SGMS1: variants seen among roughly 807,000 people sequenced by gnomAD.
SGMS1 encodes the protein sphingomyelin synthase 1.
Under a neutral mutation model 46.2 loss-of-function variants are expected in SGMS1, and 13 were observed. The ratio of observed to expected loss-of-function variants is 0.28; its 90% CI spans 0.18 to 0.45. SGMS1 has a LOEUF of 0.45. Among genes scored for constraint, SGMS1 ranks in the 20% least tolerant of loss-of-function variants. The pLI is 1.00. For missense variants in SGMS1, 324 were observed against 519.9 expected (o/e 0.62, Z 3.66); for synonymous variants, 203 against 187.8 (o/e 1.08, Z -0.66).
At chr10:50,596,944 A>G (rs1257840124) in intron 1 of SGMS1, among the ~76,000 whole-genome samples, 1 of 152,218 alleles carries the variant, frequency 6.6e-6, no homozygotes, top group African/African-American at 2.4e-5. Context: ...TGCACATGGT[A>G]GGCACTCAGT....
At chr10:50,369,677 T>TG (rs1848404620) in intron 6 of SGMS1, among the ~76,000 whole-genome samples, 1 of 152,004 alleles carries the variant, frequency 6.6e-6, no homozygotes, top group African/African-American at 2.4e-5. Context: ...GCTATCAAGA[T>TG]GGCAAAGATG....
At chr10:50,311,804 T>C (rs905318924) in intron 8 of SGMS1, among the ~76,000 whole-genome samples, 3 of 152,202 alleles carry the variant, frequency 2.0e-5, no homozygotes, top group Non-Finnish European at 4.4e-5. Flanking sequence ...AATTTAAAGA[T>C]GTATTTTTAT....
At chr10:50,384,259 A>G (rs925674504) in intron 6 of SGMS1, among the ~76,000 whole-genome samples, 1 of 152,204 alleles carries the variant, frequency 6.6e-6, no homozygotes, top group Non-Finnish European at 1.5e-5. Context: ...TACCATTTGT[A>G]TGATCTTGAG....
At chr10:50,326,009 C>T (rs1406231313) in intron 8 of SGMS1, among the ~76,000 whole-genome samples, 28 of 152,032 alleles carry the variant, frequency 1.8e-4, no homozygotes, top group Admixed American at 1.7e-3. Context: ...CGATGTGAAG[C>T]TGGCTTCTTT....
intron 6 of SGMS1, among the ~76,000 whole-genome samples, chr10:50,345,764 A>G (rs1229619159): frequency 6.6e-6 from 1 of 152,238 alleles, no homozygotes; most frequent in Non-Finnish European, 1.5e-5. Context: ...CATTCTGGAA[A>G]TATTCCAAAG....
intron 3 of SGMS1, among the ~76,000 whole-genome samples, chr10:50,518,093 C>A (rs530842765): frequency 1.3e-5 from 2 of 152,072 alleles, no homozygotes; most frequent in Admixed American, 1.3e-4. Context: ...CATCTCTATA[C>A]AATAAAATTG....
intron 5 of SGMS1, among the ~76,000 whole-genome samples, chr10:50,458,656 G>A (rs1267115440): frequency 6.6e-6 from 1 of 151,942 alleles, no homozygotes; most frequent in Non-Finnish European, 1.5e-5. Context: ...ACCGCTTCCG[G>A]CCGGCTCTAT....
chr10:50,404,313 T>A (rs911151050), intron 6 of SGMS1, among the ~76,000 whole-genome samples: 1 of 140,100 alleles, frequency 7.1e-6, no homozygotes, highest in Non-Finnish European at 1.5e-5. Context: ...TTGTTTTGAT[T>A]TTTTTTTTTT....
chr10:50,586,154 C>A (rs1452716043), intron 2 of SGMS1, among the ~76,000 whole-genome samples: 1 of 152,190 alleles, frequency 6.6e-6, no homozygotes, highest in South Asian at 2.1e-4. Flanking sequence ...CATAAAAACA[C>A]CCAAATCCTC....
At chr10:50,377,265 C>G (rs1459947399) in intron 6 of SGMS1, among the ~76,000 whole-genome samples, 1 of 152,166 alleles carries the variant, frequency 6.6e-6, no homozygotes, top group African/African-American at 2.4e-5. Flanking sequence ...GAGAGCCAAA[C>G]TGGCTTTTAT....
At chr10:50,557,503 G>C (rs1346924942) in intron 2 of SGMS1, among the ~76,000 whole-genome samples, 1 of 150,874 alleles carries the variant, frequency 6.6e-6, no homozygotes, top group Admixed American at 6.6e-5. Context: ...GGTGAAAAAA[G>C]AATAACTGTT....
At chr10:50,567,007 C>A (rs1838294371) in intron 2 of SGMS1, among the ~76,000 whole-genome samples, 1 of 151,996 alleles carries the variant, frequency 6.6e-6, no homozygotes, top group African/African-American at 2.4e-5. Context: ...AGGGCAGTGG[C>A]GCGATCTTGG....
At chr10:50,405,077 A>G in intron 6 of SGMS1, among the ~76,000 whole-genome samples, 1 of 152,222 alleles carries the variant, frequency 6.6e-6, no homozygotes, top group East Asian at 1.9e-4. Flanking sequence ...AAGAAATGTA[A>G]TAACAGTTAC....
chr10:50,531,704 C>A (rs575674586), intron 2 of SGMS1, among the ~76,000 whole-genome samples: 1 of 152,178 alleles, frequency 6.6e-6, no homozygotes, highest in Non-Finnish European at 1.5e-5. Flanking sequence ...CTCTCTGCTG[C>A]GGCAAGTTGC....
chr10:50,364,883 T>C (rs1848308480), intron 6 of SGMS1, among the ~76,000 whole-genome samples: 1 of 152,132 alleles, frequency 6.6e-6, no homozygotes, highest in African/African-American at 2.4e-5. Flanking sequence ...CTGACGATTT[T>C]TACTCAGAAG....
At chr10:50,438,941 C>G (rs561482520) in intron 5 of SGMS1, among the ~76,000 whole-genome samples, 1 of 152,284 alleles carries the variant, frequency 6.6e-6, no homozygotes, top group South Asian at 2.1e-4. Flanking sequence ...AAAAGCTACT[C>G]AACATGCGAA....
intron 1 of SGMS1, among the ~76,000 whole-genome samples, chr10:50,590,977 A>C (rs1838535260): frequency 6.6e-6 from 1 of 151,640 alleles, no homozygotes; most frequent in Admixed American, 6.6e-5. Flanking sequence ...GCATCCACGT[A>C]CCCACCTAGA....
intron 6 of SGMS1, among the ~76,000 whole-genome samples, chr10:50,413,115 A>C (rs1204433780): frequency 2.0e-5 from 3 of 152,204 alleles, no homozygotes; most frequent in East Asian, 1.9e-4. Flanking sequence ...AAAAAAAGTT[A>C]TCTCTTGTGA....
intron 1 of SGMS1, among the ~76,000 whole-genome samples, chr10:50,594,521 T>A (rs923854321): frequency 6.6e-6 from 1 of 152,254 alleles, no homozygotes; most frequent in African/African-American, 2.4e-5. Flanking sequence ...TTAGGTTTTT[T>A]AATATTTTTA....
Sources: allele counts gnomAD v4.1 joint callset (sites outside exome capture counted in the v4.1 genomes callset), GRCh38; gene constraint gnomAD v4.1.1; transcripts MANE v1.5; gene names NCBI Gene and HGNC (gene_info 2026-07-23, HGNC 2026-07-21).